The following ATP9A variants were observed in gnomAD, a reference collection of about 807,000 sequenced individuals.
The protein encoded by ATP9A is probable phospholipid-transporting ATPase IIA.
A neutral mutation model predicts 144.1 loss-of-function variants in ATP9A; 52 were observed. That is an observed-to-expected ratio of 0.36 (90% CI 0.29 to 0.45). ATP9A has a LOEUF of 0.45. ATP9A is among the 20% of genes least tolerant of loss of function. ATP9A has a pLI of 1.00. For missense variants in ATP9A, 947 were observed against 1,392.7 expected (o/e 0.68, Z 5.09); for synonymous variants, 582 against 557.4 (o/e 1.04, Z -0.62).
chr20:51,717,496 G>C (rs948073773), intron 3 of ATP9A, among the ~76,000 whole-genome samples: 1 of 152,014 alleles, frequency 6.6e-6, no homozygotes, highest in Non-Finnish European at 1.5e-5. Context: ...GACTAAAAAG[G>C]GTCTACAACG....
At chr20:51,649,570 A>G (rs1233485625) in intron 14 of ATP9A, among the ~76,000 whole-genome samples, 1 of 152,190 alleles carries the variant, frequency 6.6e-6, no homozygotes, top group African/African-American at 2.4e-5. Flanking sequence ...CAATGGCCCT[A>G]GTCCCTCTTT....
chr20:51,760,910 T>C (rs975275077), intron 1 of ATP9A, among the ~76,000 whole-genome samples: 1 of 151,660 alleles, frequency 6.6e-6, no homozygotes, highest in Non-Finnish European at 1.5e-5. Flanking sequence ...CCTGTAGTAG[T>C]CCCAGCTACT....
intron 1 of ATP9A, among the ~76,000 whole-genome samples, chr20:51,768,088 G>A (rs1216612525): frequency 1.3e-5 from 2 of 152,050 alleles, no homozygotes; most frequent in African/African-American, 4.8e-5. Context: ...AGGCAACCGG[G>A]CGCTCGAACC....
rs1015271484 is a variant in ATP9A at position 51,697,379 on chromosome 20, A to T, written c.495+45T>A. On this transcript the variant is annotated intron_variant, in intron 5 of 27. Coordinates refer to ENST00000338821, the MANE Select transcript of ATP9A (RefSeq NM_006045.3). Reference sequence around the variant, plus strand: ...CCAGATACACAAATGACACATTAGGACCCATGAAGTGGTATCCACACACAA... The same window carrying T: ...CCAGATACACAAATGACACATTAGGTCCCATGAAGTGGTATCCACACACAA... 4 of 1,570,464 alleles carry T rather than the reference A, an allele frequency of 2.5e-6. No individual in the cohort carries two copies. The African/African-American group carries it at 5.4e-5, about 21-fold the overall frequency.
chr20:51,607,636 A>G (rs748518698), intron 25 of ATP9A, 52 bp from the exon 26 acceptor site: 1 of 1,417,244 alleles, frequency 7.1e-7, no homozygotes, highest in Non-Finnish European at 9.9e-7. Context: ...GGGCTCACGC[A>G]GCATGCCATC....
Position 51,674,241 on chromosome 20 carries a change from C to G in ATP9A, c.949G>C (p.Val317Leu), listed in dbSNP as rs1430737838. Reference protein sequence around the residue: ...LFGALVVVSLVMVALQHFAGR... With the variant: ...LFGALVVVSLLMVALQHFAGR... ...GCAAAGTGCTGAAGGGCAACCATGA[C>G]CAGCGAGACCACCACCAGGGCACCA... Residue 317 changes from valine (V) to leucine (L), a missense_variant, in exon 11 of 28, where the codon GTC (valine) becomes CTC (leucine). Val to Leu is a conservative substitution (Grantham distance 32). Around this residue, in one of 2 missense-constraint regions of ATP9A, gnomAD observed 770 missense variants for 1,047.9 expected, o/e 0.73. Coordinates refer to ENST00000338821, the MANE Select transcript of ATP9A (RefSeq NM_006045.3). 1.9e-6 allele frequency: 3 copies of G among 1,613,798 alleles called. No homozygotes were observed. Among genetic ancestry groups the G allele is most frequent in the Non-Finnish European group, 2.5e-6 (3 of 1,179,998 alleles).
chr20:51,663,566 G>T (rs553772026), intron 13 of ATP9A, among the ~76,000 whole-genome samples: 2 of 152,022 alleles, frequency 1.3e-5, no homozygotes, highest in South Asian at 4.2e-4. Flanking sequence ...AGGCTGAGGC[G>T]GGCGGATCAC....
At chr20:51,711,345 C>T (rs982646272) in intron 4 of ATP9A, among the ~76,000 whole-genome samples, 4 of 152,036 alleles carry the variant, frequency 2.6e-5, no homozygotes, top group Non-Finnish European at 5.9e-5. Context: ...AAAACATACA[C>T]CTTTGACATT....
At chr20:51,673,397 A>G (rs1384942442) in intron 11 of ATP9A, among the ~76,000 whole-genome samples, 1 of 152,012 alleles carries the variant, frequency 6.6e-6, no homozygotes, top group Non-Finnish European at 1.5e-5. Context: ...TAAATAAATA[A>G]CCATTTATTC....
intron 22 of ATP9A, 32 bp downstream of exon 22, chr20:51,617,458 A>G (rs2077207828): frequency 3.1e-6 from 5 of 1,594,976 alleles, no homozygotes; most frequent in Non-Finnish European, 4.3e-6. Flanking sequence ...AAACTACAGC[A>G]AGTGGAGCCG....
chr20:51,661,585 G>A (rs1440121719), intron 13 of ATP9A, among the ~76,000 whole-genome samples: 1 of 138,184 alleles, frequency 7.2e-6, no homozygotes, highest in Non-Finnish European at 1.5e-5. Context: ...TGCCCAGGCT[G>A]TTTTCTAACT....
chr20:51,696,065 A>G (rs375070112), intron 6 of ATP9A, 28 bp downstream of exon 6: 1 of 1,597,398 alleles, frequency 6.3e-7, no homozygotes, highest in South Asian at 1.1e-5. Context: ...GTTAATGGTT[A>G]TTTTCCAAAT....
At chr20:51,711,013 T>C (rs2077636265) in intron 4 of ATP9A, among the ~76,000 whole-genome samples, 1 of 152,066 alleles carries the variant, frequency 6.6e-6, no homozygotes, top group Non-Finnish European at 1.5e-5. Context: ...TAAGAATATG[T>C]TATTAAGGGA....
At chr20:51,652,606 T>C (rs545874890) in intron 14 of ATP9A, among the ~76,000 whole-genome samples, 7 of 152,322 alleles carry the variant, frequency 4.6e-5, no homozygotes, top group African/African-American at 1.7e-4. Flanking sequence ...CCTCTGAGCC[T>C]CATGAGGCAT....
At chr20:51,658,010 G>C (rs2077394375) in intron 13 of ATP9A, among the ~76,000 whole-genome samples, 1 of 152,216 alleles carries the variant, frequency 6.6e-6, no homozygotes, top group South Asian at 2.1e-4. Context: ...CCCCTGAAAG[G>C]CCAGGAATGG....
chr20:51,717,181 A>G (rs1193832145), intron 3 of ATP9A, among the ~76,000 whole-genome samples: 5 of 151,814 alleles, frequency 3.3e-5, no homozygotes, highest in African/African-American at 1.2e-4. Flanking sequence ...AAAAAAAAAA[A>G]AAAAAAAAAA....
intron 1 of ATP9A, among the ~76,000 whole-genome samples, chr20:51,766,382 A>G (rs1184097361): frequency 6.6e-6 from 1 of 152,174 alleles, no homozygotes; most frequent in Non-Finnish European, 1.5e-5. Context: ...CATCAGCTGG[A>G]GTGGCTCCTG....
intron 1 of ATP9A, among the ~76,000 whole-genome samples, chr20:51,733,725 G>C (rs1568841188): frequency 6.6e-6 from 1 of 150,940 alleles, no homozygotes; most frequent in Non-Finnish European, 1.5e-5. Context: ...CCAGGCTGGT[G>C]TACAGTGGTA....
rs2077192394 is a variant in ATP9A at position 51,613,615 on chromosome 20, G to A, written c.2571+62C>T. On this transcript the variant is annotated intron_variant, in intron 23 of 27. Transcript: ENST00000338821. ...ATGTACATGTGCAGAGGGAGCAGCTGCCCACCCACCTACATGGTATAGCCA... is the reference window on the plus strand; with the variant it reads ...ATGTACATGTGCAGAGGGAGCAGCTACCCACCCACCTACATGGTATAGCCA... 8 of 1,501,436 alleles carry A rather than the reference G, an allele frequency of 5.3e-6. No homozygotes were observed. The South Asian group carries it at 1.0e-4, about 19-fold the overall frequency. The allele number at this position is 1,501,436 out of a possible 1,614,324, so 93.0% of individuals were successfully genotyped here. A position where few individuals can be genotyped will look rare whatever the true frequency, so the allele number is the denominator to read the frequency against.
Sources: gnomAD v4.1 joint callset for allele counts (sites outside exome capture counted in the v4.1 genomes callset) on GRCh38, gnomAD v4.1.1 for gene constraint, gnomAD v4.1.1 regional missense constraint, MANE v1.5 for transcripts, NCBI Gene and HGNC (gene_info 2026-07-23, HGNC 2026-07-21) for gene names.